Variants in RBFOX1 observed in about 807,000 individuals in gnomAD.
RBFOX1 encodes RNA binding fox-1 homolog 1, also known as RNA binding protein fox-1 homolog 1.
A neutral mutation model predicts 57.7 loss-of-function variants in RBFOX1; 8 were observed. The ratio of observed to expected loss-of-function variants is 0.14; its 90% CI spans 0.08 to 0.25. RBFOX1 has a LOEUF of 0.25. RBFOX1 is among the 10% of genes least tolerant of loss of function. RBFOX1 has a pLI of 1.00. For missense variants in RBFOX1, 611 were observed against 548.5 expected (o/e 1.11, Z -1.14); for synonymous variants, 326 against 222.4 (o/e 1.47, Z -4.15).
chr16:6,024,901 A>G (rs985363838), intron 1 of RBFOX1, among the ~76,000 whole-genome samples: 6 of 152,230 alleles, frequency 3.9e-5, no homozygotes, highest in Admixed American at 2.6e-4. Flanking sequence ...ACCTTGTCCT[A>G]AAAGACTTCC....
At chr16:5,261,557 T>TG (rs1029934630) in intron 1 of RBFOX1, among the ~76,000 whole-genome samples, 2 of 150,046 alleles carry the variant, frequency 1.3e-5, no homozygotes, top group Non-Finnish European at 3.0e-5. Context: ...TGGTTTTTTT[T>TG]TTTTTTTTTT....
At position 7,649,508 on chromosome 16, in the gene RBFOX1, C is replaced by T. The variant is rs574820818; in HGVS notation, c.758-4307C>T. 1.6e-4 allele frequency among the ~76,000 whole-genome samples: 24 copies of T among 151,918 alleles called. 1 individual carries two copies. Among genetic ancestry groups the T allele is most frequent in the Non-Finnish European group, 2.9e-4 (20 of 67,844 alleles). ...CCTCATTTTTCCTAGCCTTCACTTACGATGGAGTCGCTGTGGTTCGAACAC... is the reference window on the plus strand; with the variant it reads ...CCTCATTTTTCCTAGCCTTCACTTATGATGGAGTCGCTGTGGTTCGAACAC... On this transcript the variant is annotated intron_variant, in intron 11 of 15. Coordinates refer to ENST00000550418, the MANE Select transcript of RBFOX1 (RefSeq NM_018723.4).
intron 4 of RBFOX1, among the ~76,000 whole-genome samples, chr16:7,187,517 A>G (rs12709183): frequency 0.64 from 95,637 of 149,576 alleles, 31,015 homozygotes; most frequent in African/African-American, 0.75. Flanking sequence ...GTGAAACCCC[A>G]TCTCTACTAA....
chr16:7,499,370 C>T lies in RBFOX1; in HGVS notation c.28-18777C>T, dbSNP rs150306074. ...TCAGAAGCCCACCCTGCTCGCTACT[C>T]AGGCATGACCTCATCTTAACTAATT... is the stretch of plus-strand genomic sequence containing the variant. On this transcript the variant is annotated intron_variant, in intron 4 of 15. Transcript: ENST00000550418. 4.1e-4 allele frequency among the ~76,000 whole-genome samples: 63 copies of T among 152,280 alleles called. 1 individual carries two copies. The South Asian group carries it at 9.3e-3, about 23-fold the overall frequency.
chr16:5,599,212 C>G (rs1387831974), exon 3 of RBFOX1: 1 of 699,772 alleles, frequency 1.4e-6, no homozygotes, highest in South Asian at 1.5e-5. Flanking sequence ...AAGACCAGGC[C>G]CACTTGGTGG....
At chr16:7,094,861 G>C (rs1387017584) in intron 4 of RBFOX1, among the ~76,000 whole-genome samples, 1 of 150,978 alleles carries the variant, frequency 6.6e-6, no homozygotes, top group Non-Finnish European at 1.5e-5. Context: ...CTCACTTATG[G>C]ATAACATTTG....
At chr16:5,866,080 G>T (rs928660969) in intron 3 of RBFOX1, among the ~76,000 whole-genome samples, 2 of 152,150 alleles carry the variant, frequency 1.3e-5, no homozygotes, top group African/African-American at 4.8e-5. Context: ...GGATTCTCCT[G>T]CCTCAGCCTC....
intron 4 of RBFOX1, among the ~76,000 whole-genome samples, chr16:5,898,999 A>G (rs1294403693): frequency 1.3e-5 from 2 of 151,630 alleles, no homozygotes; most frequent in Non-Finnish European, 2.9e-5. Flanking sequence ...GGAGACTAAG[A>G]CTGCAGTGAG....
chr16:7,276,383 A>G (rs1377650079), intron 4 of RBFOX1, among the ~76,000 whole-genome samples: 2 of 152,190 alleles, frequency 1.3e-5, no homozygotes, highest in Non-Finnish European at 1.5e-5. Flanking sequence ...TCCAGAAAAA[A>G]CAAGGCTAGA....
chr16:6,575,483 C>A (rs1006441216), intron 2 of RBFOX1, among the ~76,000 whole-genome samples: 1 of 152,166 alleles, frequency 6.6e-6, no homozygotes, highest in Non-Finnish European at 1.5e-5. Flanking sequence ...ATAAAAGCAT[C>A]ACTGATCTTC....
chr16:6,731,345 A>G (rs184938141), intron 3 of RBFOX1, among the ~76,000 whole-genome samples: 9 of 152,126 alleles, frequency 5.9e-5, no homozygotes, highest in Non-Finnish European at 1.3e-4. Flanking sequence ...ATCATTGTGG[A>G]TCGTTGATGT....
chr16:7,241,524 A>C (rs1182100666), intron 4 of RBFOX1, among the ~76,000 whole-genome samples: 1 of 152,244 alleles, frequency 6.6e-6, no homozygotes, highest in East Asian at 1.9e-4. Flanking sequence ...AAAATTTCAC[A>C]GCAAACACTT....
In RBFOX1 at chr16:5,653,154, A is replaced by T. The variant is rs577849399; in HGVS notation, c.318+54193A>T. Reference sequence around the variant, plus strand: ...GCCGTGTGCTGGCCTTCTGTGCGGAAGGTGGGGTGCGGAACCGTGTGCTGC... The same window carrying T: ...GCCGTGTGCTGGCCTTCTGTGCGGATGGTGGGGTGCGGAACCGTGTGCTGC... On this transcript the variant is annotated intron_variant, in intron 3 of 19. Transcript: ENST00000641259. Among the ~76,000 whole-genome samples the T allele has an allele frequency of 2.6e-5, 4 of 152,056 alleles. No homozygotes were observed. In the East Asian group the frequency reaches 7.7e-4, roughly 29 times the overall value.
intron 3 of RBFOX1, among the ~76,000 whole-genome samples, chr16:6,823,363 T>G (rs1327726493): frequency 6.6e-6 from 1 of 152,048 alleles, no homozygotes; most frequent in Non-Finnish European, 1.5e-5. Context: ...TTCAAGTGAT[T>G]CTCCTGCCTC....
intron 3 of RBFOX1, among the ~76,000 whole-genome samples, chr16:5,821,881 T>C (rs561361161): frequency 1.3e-5 from 2 of 152,302 alleles, no homozygotes; most frequent in Non-Finnish European, 2.9e-5. Context: ...GCAGCCCTTT[T>C]ATAAGGCACG....
At chr16:5,530,541 C>T (rs574092129) in intron 2 of RBFOX1, among the ~76,000 whole-genome samples, 5 of 151,954 alleles carry the variant, frequency 3.3e-5, no homozygotes, top group South Asian at 2.1e-4. Flanking sequence ...TTACTCTCTG[C>T]GGCAGCGTTT....
At chr16:6,336,626 T>A (rs530314072) in intron 2 of RBFOX1, among the ~76,000 whole-genome samples, 3 of 152,270 alleles carry the variant, frequency 2.0e-5, no homozygotes, top group Non-Finnish European at 4.4e-5. Context: ...GGGAGAACTT[T>A]GCCAGTTGTC....
chr16:6,604,185 C>T (rs930665608), intron 2 of RBFOX1, among the ~76,000 whole-genome samples: 1 of 151,868 alleles, frequency 6.6e-6, no homozygotes, highest in Non-Finnish European at 1.5e-5. Context: ...TGTGATCAAC[C>T]CAGCAATTCC....
At chr16:6,819,127 G>C (rs949601108) in intron 3 of RBFOX1, among the ~76,000 whole-genome samples, 1 of 152,108 alleles carries the variant, frequency 6.6e-6, no homozygotes, top group African/African-American at 2.4e-5. Flanking sequence ...TTTCCATGTG[G>C]GCTATGGCAG....
Sources: gnomAD v4.1 joint callset for allele counts (sites outside exome capture counted in the v4.1 genomes callset) on GRCh38, gnomAD v4.1.1 for gene constraint, MANE v1.5 for transcripts, NCBI Gene and HGNC (gene_info 2026-07-23, HGNC 2026-07-21) for gene names.